The following APELA variants were observed in gnomAD, a reference collection of about 807,000 sequenced individuals.
The protein encoded by APELA is protein Elabela.
intron 2 of APELA, among the ~76,000 whole-genome samples, chr4:164,885,134 T>G (rs1216301127): frequency 6.6e-6 from 1 of 152,016 alleles, no homozygotes; most frequent in African/African-American, 2.4e-5. Context: ...TGTTTGTTTG[T>G]TTTGTTTTGT....
intron 2 of APELA, among the ~76,000 whole-genome samples, chr4:164,882,426 T>C (rs1730671483): frequency 6.6e-6 from 1 of 152,084 alleles, no homozygotes; most frequent in Non-Finnish European, 1.5e-5. Context: ...TAATAACAAT[T>C]GTAATACATC....
intron 2 of APELA, among the ~76,000 whole-genome samples, chr4:164,894,656 C>T (rs1030346828): frequency 6.6e-6 from 1 of 152,036 alleles, no homozygotes; most frequent in Non-Finnish European, 1.5e-5. Flanking sequence ...CCACCTGCCT[C>T]GGCTTCCCAA....
chr4:164,879,497 T>C (rs755481869), intron 2 of APELA, among the ~76,000 whole-genome samples: 4 of 151,954 alleles, frequency 2.6e-5, no homozygotes, highest in Admixed American at 1.3e-4. Context: ...CAGGCTGGAG[T>C]GTAATGATGT....
chr4:164,879,064 A>C (rs1192700437), intron 2 of APELA, 55 bp downstream of exon 2: 1 of 398,684 alleles, frequency 2.5e-6, no homozygotes, highest in Non-Finnish European at 4.4e-6. Context: ...CAAATTAGAT[A>C]TACCAGGAAA....
chr4:164,894,412 TA>T (rs1335004596), intron 2 of APELA, among the ~76,000 whole-genome samples: 2 of 129,598 alleles, frequency 1.5e-5, no homozygotes, highest in African/African-American at 4.5e-5. Context: ...TTTTCTTCTT[TA>T]TTTTTTTATT....
chr4:164,893,830 T>G (rs998739157), intron 2 of APELA, among the ~76,000 whole-genome samples: 1 of 152,152 alleles, frequency 6.6e-6, no homozygotes, highest in African/African-American at 2.4e-5. Flanking sequence ...ATTTTATTAT[T>G]TATATGGTTG....
At chr4:164,883,478 G>GTCTT (rs1221429730) in intron 2 of APELA, among the ~76,000 whole-genome samples, 2 of 143,016 alleles carry the variant, frequency 1.4e-5, no homozygotes, top group African/African-American at 2.7e-5. Context: ...TCCCTTTCTA[G>GTCTT]TCTTTCTTTT....
intron 2 of APELA, among the ~76,000 whole-genome samples, chr4:164,887,119 C>T (rs564018826): frequency 3.3e-5 from 5 of 152,242 alleles, no homozygotes; most frequent in South Asian, 4.1e-4. Context: ...TGAGCCACTG[C>T]GCCCGGCCAG....
intron 2 of APELA, among the ~76,000 whole-genome samples, chr4:164,879,987 A>G (rs1390823093): frequency 6.6e-6 from 1 of 152,224 alleles, no homozygotes; most frequent in Non-Finnish European, 1.5e-5. Context: ...TGCTTGAATC[A>G]GTTAACTTCA....
chr4:164,886,579 G>A (rs575908204), intron 2 of APELA, among the ~76,000 whole-genome samples: 7 of 152,218 alleles, frequency 4.6e-5, no homozygotes, highest in Admixed American at 3.9e-4. Flanking sequence ...CCGAGGGGTT[G>A]AGGCTATAGT....
intron 2 of APELA, among the ~76,000 whole-genome samples, chr4:164,883,436 A>G (rs1730698594): frequency 6.6e-6 from 1 of 151,736 alleles, no homozygotes; most frequent in South Asian, 2.1e-4. Context: ...CTCAAACTAC[A>G]GACATCTACA....
At chr4:164,881,804 G>A (rs1730657863) in intron 2 of APELA, among the ~76,000 whole-genome samples, 1 of 151,822 alleles carries the variant, frequency 6.6e-6, no homozygotes, top group Non-Finnish European at 1.5e-5. Flanking sequence ...GGAGGCAGAG[G>A]TAGGTGGATT....
At chr4:164,887,663 T>C (rs771737362) in intron 2 of APELA, among the ~76,000 whole-genome samples, 1 of 151,966 alleles carries the variant, frequency 6.6e-6, no homozygotes, top group South Asian at 2.1e-4. Flanking sequence ...CCAGGCTGGA[T>C]TGCAATGGTT....
chr4:164,887,690 C>A (rs1477880944), intron 2 of APELA, among the ~76,000 whole-genome samples: 1 of 151,950 alleles, frequency 6.6e-6, no homozygotes, highest in Non-Finnish European at 1.5e-5. Context: ...CAGCTCACTG[C>A]AACCTCTGCC....
At chr4:164,881,507 A>G (rs71618423) in intron 2 of APELA, among the ~76,000 whole-genome samples, 26,232 of 150,732 alleles carry the variant, frequency 0.17, 2,917 homozygotes, top group Non-Finnish European at 0.25. Context: ...ACAGAAAATT[A>G]CATGCTGTAT....
intron 2 of APELA, among the ~76,000 whole-genome samples, chr4:164,893,452 C>T (rs1368934134): frequency 6.6e-6 from 1 of 151,762 alleles, no homozygotes; most frequent in Non-Finnish European, 1.5e-5. Context: ...TCTATTTTTC[C>T]TTTCAATTCT....
intron 2 of APELA, among the ~76,000 whole-genome samples, chr4:164,883,257 C>A (rs532798132): frequency 6.6e-6 from 1 of 152,272 alleles, no homozygotes; most frequent in Non-Finnish European, 1.5e-5. Flanking sequence ...GCTGGGCTCT[C>A]TGGGAAGAAC....
intron 2 of APELA, among the ~76,000 whole-genome samples, chr4:164,892,778 T>C (rs897227848): frequency 2.9e-4 from 44 of 152,202 alleles, no homozygotes; most frequent in Non-Finnish European, 6.3e-4. Context: ...ATTCGATCTT[T>C]TTTCTTGCTA....
At chr4:164,885,324 T>C (rs1730749166) in intron 2 of APELA, among the ~76,000 whole-genome samples, 1 of 151,902 alleles carries the variant, frequency 6.6e-6, no homozygotes, top group Admixed American at 6.6e-5. Flanking sequence ...AGAAACGGGG[T>C]TTCACCATGT....
Sources: gnomAD v4.1 joint callset for allele counts (sites outside exome capture counted in the v4.1 genomes callset) on GRCh38, gnomAD v4.1.1 for gene constraint, MANE v1.5 for transcripts, NCBI Gene and HGNC (gene_info 2026-07-23, HGNC 2026-07-21) for gene names.